LRRK2: variants seen among roughly 807,000 people sequenced by gnomAD.
LRRK2 encodes the protein leucine rich repeat kinase 2, also known as leucine-rich repeat serine/threonine-protein kinase 2.
A neutral mutation model predicts 302.6 loss-of-function variants in LRRK2; 203 were observed. The ratio of observed to expected loss-of-function variants is 0.67; its 90% CI spans 0.60 to 0.75. The LOEUF (loss-of-function observed/expected upper bound fraction) is 0.75, where lower values mean the gene tolerates loss of function less well. Ranked by LOEUF, LRRK2 falls within the 30% of genes least tolerant of loss-of-function variation. LRRK2 has a pLI of 0.00. For missense variants in LRRK2, 2,830 were observed against 2,951.0 expected (o/e 0.96, Z 0.95); for synonymous variants, 1,066 against 1,031.9 (o/e 1.03, Z -0.63).
In LRRK2 at chr12:40,354,332, T is replaced by C; in HGVS notation, c.6610T>C (p.Leu2204=). The C allele has an allele frequency of 6.2e-7, 1 of 1,614,146 alleles. No homozygotes were observed. The highest frequency in any genetic ancestry group is 8.5e-7 in the Non-Finnish European group (1 of 1,180,012). The change falls in exon 45 of 51, where the codon TTG becomes CTG. Residue 2204 remains leucine (L), a synonymous_variant. Coordinates refer to ENST00000298910, the MANE Select transcript of LRRK2 (RefSeq NM_198578.4). Reference sequence around the variant, plus strand: ...TGATAGTAGAATATTGTGCTTAGCCTTGGTGCATCTTCCTGTTGAAAAGGA... The same window carrying C: ...TGATAGTAGAATATTGTGCTTAGCCCTGGTGCATCTTCCTGTTGAAAAGGA... ...VADSRILCLA[L]VHLPVEKESW...
chr12:40,255,244 G>A (rs772558297), intron 11 of LRRK2, among the ~76,000 whole-genome samples: 3 of 152,126 alleles, frequency 2.0e-5, no homozygotes, highest in Admixed American at 6.6e-5. Context: ...AAAAAATGAA[G>A]CAAGGAAGGA....
intron 33 of LRRK2, among the ~76,000 whole-genome samples, chr12:40,317,440 T>C (rs531353712): frequency 6.6e-6 from 1 of 152,176 alleles, no homozygotes; most frequent in Admixed American, 6.6e-5. Context: ...TTCACCTTCA[T>C]GAATCAAGGC....
chr12:40,304,728 C>G (rs919999412), intron 27 of LRRK2: 1 of 151,932 alleles, frequency 6.6e-6, no homozygotes, highest in Non-Finnish European at 1.5e-5. Flanking sequence ...ACTATAAATT[C>G]AAAATAAGCA....
intron 47 of LRRK2, among the ~76,000 whole-genome samples, chr12:40,361,937 T>C (rs1455522134): frequency 6.6e-6 from 1 of 152,016 alleles, no homozygotes; most frequent in Non-Finnish European, 1.5e-5. Flanking sequence ...CATAGGACTT[T>C]TGGAGTTCTA....
chr12:40,272,717 A>G (rs1045020470), intron 14 of LRRK2, among the ~76,000 whole-genome samples: 3 of 152,166 alleles, frequency 2.0e-5, no homozygotes, highest in African/African-American at 7.2e-5. Flanking sequence ...GAGAATAATT[A>G]GGGGAGTACG....
chr12:40,339,120 G>A (rs1055804816), intron 40 of LRRK2, among the ~76,000 whole-genome samples: 5 of 152,144 alleles, frequency 3.3e-5, no homozygotes, highest in Admixed American at 1.3e-4. Flanking sequence ...AAAGTTCAGG[G>A]TATCGTTGCT....
chr12:40,316,346 G>A (rs1483632266), intron 33 of LRRK2: 4 of 984,928 alleles, frequency 4.1e-6, no homozygotes, highest in East Asian at 1.1e-4. Flanking sequence ...GAACTCAAGA[G>A]CATATTGAAA....
intron 44 of LRRK2, among the ~76,000 whole-genome samples, chr12:40,352,527 C>A (rs564277971): frequency 2.9e-3 from 388 of 132,950 alleles, no homozygotes; most frequent in Non-Finnish European, 4.6e-3. Flanking sequence ...TTGGCAGGGT[C>A]ATAGGACAAT....
At chr12:40,356,898 G>T (rs1592336772) in intron 46 of LRRK2, among the ~76,000 whole-genome samples, 1 of 152,212 alleles carries the variant, frequency 6.6e-6, no homozygotes, top group East Asian at 1.9e-4. Flanking sequence ...ATCAAGTCAG[G>T]GTATTTAGGA....
intron 14 of LRRK2, among the ~76,000 whole-genome samples, chr12:40,268,021 C>T (rs927224217): frequency 6.6e-6 from 1 of 152,108 alleles, no homozygotes; most frequent in African/African-American, 2.4e-5. Flanking sequence ...AAAGCGAATC[C>T]ATGTTTGGAT....
At chr12:40,239,513 G>A (rs750364064) in intron 5 of LRRK2, among the ~76,000 whole-genome samples, 15 of 152,114 alleles carry the variant, frequency 9.9e-5, no homozygotes, top group Non-Finnish European at 1.9e-4. Flanking sequence ...CTAAGACACT[G>A]GAGGTAGACC....
intron 38 of LRRK2, among the ~76,000 whole-genome samples, chr12:40,327,585 T>G (rs994301896): frequency 1.3e-5 from 2 of 152,168 alleles, no homozygotes; most frequent in African/African-American, 4.8e-5. Context: ...GAGCTGAATT[T>G]AGATTTGATT....
At chr12:40,227,999 A>G (rs1940980359) in intron 2 of LRRK2, 1 of 152,146 alleles carries the variant, frequency 6.6e-6, no homozygotes, top group Non-Finnish European at 1.5e-5. Context: ...TAGACATATA[A>G]GGTGATTCTG....
At chr12:40,366,941 T>A in intron 49 of LRRK2, 65 bp from the exon 50 acceptor site, 3 of 1,254,682 alleles carry the variant, frequency 2.4e-6, no homozygotes, top group Non-Finnish European at 3.5e-6. Flanking sequence ...ACAACTTTAC[T>A]TTTTTTTCAG....
Position 40,368,078 on chromosome 12 carries a change from T to C in LRRK2, c.*313T>C, listed in dbSNP as rs1337058114. 1 of 182,230 alleles carries C rather than the reference T, an allele frequency of 5.5e-6. No individual in the cohort carries two copies. Among genetic ancestry groups the C allele is most frequent in the Non-Finnish European group, 1.1e-5 (1 of 87,176 alleles). The allele number at this position is 182,230 out of a possible 1,614,324, so 11.3% of individuals were successfully genotyped here. On this transcript the variant is annotated 3_prime_UTR_variant, in exon 51 of 51. Transcript: ENST00000298910. ...CTAAAATTTATAAGGCCGATAATTTTTTGTTTTCTTGTCTGTAATGGAGGT... is the reference window on the plus strand; with the variant it reads ...CTAAAATTTATAAGGCCGATAATTTCTTGTTTTCTTGTCTGTAATGGAGGT...
chr12:40,340,319 T>C lies in LRRK2; in HGVS notation c.5974T>C (p.Tyr1992His). The C allele has an allele frequency of 1.2e-6, 2 of 1,613,868 alleles. No individual in the cohort carries two copies. The highest frequency in any genetic ancestry group is 1.1e-5 in the South Asian group (1 of 91,080). The change falls in exon 41 of 51, where the codon TAC becomes CAC. Residue 1992 changes from tyrosine (Y) to histidine (H), a missense_variant. Around this residue, in one of 3 missense-constraint regions of LRRK2, gnomAD observed 253 missense variants for 346.7 expected, o/e 0.73. Transcript: ENST00000298910. ...LRYLHSAMIIYRDLKPHNVLL... is the reference protein window; with the variant it reads ...LRYLHSAMIIHRDLKPHNVLL... ...ATACCTCCACTCAGCCATGATTATA[T>C]ACCGAGACCTGAAACCCCACAATGT...
chr12:40,263,706 G>C (rs933066843), intron 13 of LRRK2, 83 bp from the exon 14 acceptor site: 3 of 972,470 alleles, frequency 3.1e-6, no homozygotes, highest in Non-Finnish European at 4.8e-6. Flanking sequence ...GATTAATTAT[G>C]ACAATTTCTA....
chr12:40,346,683 A>C, intron 41 of LRRK2, 70 bp from the exon 42 acceptor site: 2 of 1,412,310 alleles, frequency 1.4e-6, no homozygotes, highest in Non-Finnish European at 2.0e-6. Context: ...ATATAGCCTA[A>C]GTGTATGCCT....
intron 11 of LRRK2, among the ~76,000 whole-genome samples, chr12:40,255,609 G>A (rs1220693654): frequency 6.6e-6 from 1 of 152,168 alleles, no homozygotes. Flanking sequence ...GATAAACAGT[G>A]TAAATTCAAG....
Sources: gnomAD v4.1 joint callset for allele counts (sites outside exome capture counted in the v4.1 genomes callset) on GRCh38, gnomAD v4.1.1 for gene constraint, gnomAD v4.1.1 regional missense constraint, MANE v1.5 for transcripts, NCBI Gene and HGNC (gene_info 2026-07-23, HGNC 2026-07-21) for gene names.